DNMT3B: variants seen among roughly 807,000 people sequenced by gnomAD.
DNMT3B encodes DNA methyltransferase 3 beta, also known as DNA (cytosine-5)-methyltransferase 3B.
DNMT3B carries 37 observed loss-of-function variants against 120.2 expected under a neutral mutation model. That is an observed-to-expected ratio of 0.31 (90% CI 0.24 to 0.40). The LOEUF (loss-of-function observed/expected upper bound fraction) is 0.40. Among genes scored for constraint, DNMT3B ranks in the 10% least tolerant of loss-of-function variants. The pLI, the probability that DNMT3B is intolerant of heterozygous loss-of-function variation, is 1.00. For synonymous variants in DNMT3B, 412 were observed against 442.8 expected, an observed-to-expected ratio of 0.93 and a Z score of 0.87; for missense variants, 878 against 1,137.3, an observed-to-expected ratio of 0.77 and a Z score of 3.28.
At chr20:32,806,060 C>T (rs1981943188) in intron 21 of DNMT3B, 149 bp from the exon 22 acceptor site, 1 of 786,722 alleles carries the variant, frequency 1.3e-6, no homozygotes, top group Non-Finnish European at 2.2e-6. Flanking sequence ...CTCTCCCTTC[C>T]ATCTTTCCCA....
intron 14 of DNMT3B, 34 bp downstream of exon 14, chr20:32,797,333 G>A: frequency 6.2e-7 from 1 of 1,601,300 alleles, no homozygotes; most frequent in Admixed American, 1.7e-5. Context: ...GGATGTGGGT[G>A]GGCCCCCAAG....
chr20:32,768,070 T>C (rs998026211), intron 1 of DNMT3B, among the ~76,000 whole-genome samples: 1 of 152,150 alleles, frequency 6.6e-6, no homozygotes, highest in South Asian at 2.1e-4. Flanking sequence ...TAGGCTGGAG[T>C]GCAGTGGTGC....
chr20:32,806,690 G>A (rs1379249636), intron 22 of DNMT3B, among the ~76,000 whole-genome samples: 1 of 152,164 alleles, frequency 6.6e-6, no homozygotes, highest in African/African-American at 2.4e-5. Context: ...TTCTATAAAT[G>A]ATTCCTTCTT....
At position 32,769,296 on chromosome 20, in the gene DNMT3B, C is replaced by T. The variant is rs549833362; in HGVS notation, c.-7+6597C>T. 6.7e-4 allele frequency among the ~76,000 whole-genome samples: 102 copies of T among 152,188 alleles called. 1 individual carries two copies. Among genetic ancestry groups the T allele is most frequent in the Middle Eastern group, 3.4e-3 (1 of 294 alleles). ...TAGAGACGGGGTTTCACCATGTTCG[C>T]CAGGATGGTCTTGATCTCCTGACCT... On this transcript the variant is annotated intron_variant, in intron 1 of 22. Coordinates refer to ENST00000328111, the MANE Select transcript of DNMT3B (RefSeq NM_006892.4).
At chr20:32,798,709 G>A (rs2146031701) in intron 15 of DNMT3B, 66 bp downstream of exon 15, 1 of 1,605,258 alleles carries the variant, frequency 6.2e-7, no homozygotes, top group East Asian at 2.2e-5. Context: ...GAAAGCTCTG[G>A]AATTCTCAGA....
At chr20:32,780,486 G>A in intron 2 of DNMT3B, 21 bp downstream of exon 2, 8 of 1,609,744 alleles carry the variant, frequency 5.0e-6, no homozygotes, top group Non-Finnish European at 6.8e-6. Context: ...AGTGGGGACT[G>A]GGGTGGTGTC....
intron 4 of DNMT3B, 119 bp from the exon 5 acceptor site, chr20:32,786,383 T>C: frequency 7.1e-7 from 1 of 1,417,892 alleles, no homozygotes; most frequent in Admixed American, 1.8e-5. Flanking sequence ...TCACTTCCAG[T>C]TGTCCTGAAG....
intron 1 of DNMT3B, among the ~76,000 whole-genome samples, chr20:32,772,981 G>A (rs4544521): frequency 0.25 from 36,991 of 150,314 alleles, 4,925 homozygotes; most frequent in East Asian, 0.56. Flanking sequence ...CACCACCCCG[G>A]CTAATTTTGT....
intron 22 of DNMT3B, 75 bp downstream of exon 22, chr20:32,806,402 C>T (rs1442865766): frequency 7.3e-7 from 1 of 1,372,076 alleles, no homozygotes; most frequent in Admixed American, 1.7e-5. Context: ...CAGGTGCTTA[C>T]CTTCATTCTT....
In DNMT3B at chr20:32,776,319, G is replaced by A. The variant is rs185230257; in HGVS notation, c.-6-3999G>A. 5.3e-5 allele frequency among the ~76,000 whole-genome samples: 8 copies of A among 152,132 alleles called. No individual in the cohort carries two copies. The East Asian group carries it at 1.5e-3, about 29-fold the overall frequency. On this transcript the variant is annotated intron_variant, in intron 1 of 22. Coordinates refer to ENST00000328111, the MANE Select transcript of DNMT3B (RefSeq NM_006892.4). ...GAACTGTTAGCTACTTAATGTTACA[G>A]TGGCAGTGTGGGATGATGCAGTTCT...
intron 1 of DNMT3B, among the ~76,000 whole-genome samples, chr20:32,770,294 T>G (rs1209265153): frequency 1.3e-5 from 2 of 151,910 alleles, no homozygotes; most frequent in Non-Finnish European, 2.9e-5. Context: ...TGTAATTTTT[T>G]TTTTTTTCTG....
chr20:32,765,665 C>G (rs1987294848), intron 1 of DNMT3B, among the ~76,000 whole-genome samples: 1 of 151,098 alleles, frequency 6.6e-6, no homozygotes. Context: ...AAGTGATTCA[C>G]CCGCCTCGGC....
chr20:32,793,884 A>C (rs6057647), intron 10 of DNMT3B, among the ~76,000 whole-genome samples: 1 of 151,960 alleles, frequency 6.6e-6, no homozygotes, highest in African/African-American at 2.4e-5. Flanking sequence ...AGGGTCCTTA[A>C]GATTTTTAAT....
intron 4 of DNMT3B, 111 bp from the exon 5 acceptor site, chr20:32,786,391 A>G: frequency 6.1e-6 from 9 of 1,487,462 alleles, no homozygotes; most frequent in Non-Finnish European, 8.3e-6. Flanking sequence ...AGTTGTCCTG[A>G]AGCTGGCTAC....
chr20:32,802,402 T>A lies in DNMT3B; in HGVS notation c.2163T>A (p.Ile721=), dbSNP rs755381685. 16 of 1,614,072 alleles carry A rather than the reference T, an allele frequency of 9.9e-6. No homozygotes were observed. The South Asian group carries it at 1.8e-4, about 18-fold the overall frequency. The change falls in exon 20 of 23, where the codon ATT becomes ATA. Residue 721 remains isoleucine, a synonymous_variant. Coordinates refer to ENST00000328111, the MANE Select transcript of DNMT3B (RefSeq NM_006892.4). ...SRFLECNPVM[I]DAIKVSAAHR... ...CCCCACAGTGTAATCCAGTGATGAT[T>A]GATGCCATCAAAGTTTCTGCTGCTC...
rs775867512 is a variant in DNMT3B, at chr20:32,787,350, A to G, written c.553A>G (p.Ser185Gly). 3 of 1,614,234 alleles carry G rather than the reference A, an allele frequency of 1.9e-6. No individual in the cohort carries two copies. In the South Asian group the frequency reaches 3.3e-5, roughly 18 times the overall value. ...CACACATGGGACGCCCCAGAGCAGC[A>G]GTACCCCCTACGCCCGCCTAGCCCA... ...EDTHGTPQSS[S>G]TPYARLAQDS... Residue 185 changes from serine (S) to glycine (G), a missense_variant, in exon 6 of 23, where the codon AGT (serine) becomes GGT (glycine). Around this residue, in one of 4 missense-constraint regions of DNMT3B, gnomAD observed 287 missense variants for 306.2 expected, o/e 0.94. Transcript: ENST00000328111.
intron 14 of DNMT3B, among the ~76,000 whole-genome samples, chr20:32,797,852 G>T (rs1418634675): frequency 6.6e-6 from 1 of 152,016 alleles, no homozygotes; most frequent in South Asian, 2.1e-4. Flanking sequence ...TACAGACAGG[G>T]TTTCACCATG....
intron 7 of DNMT3B, among the ~76,000 whole-genome samples, chr20:32,790,129 C>T (rs1979798124): frequency 6.6e-6 from 1 of 152,158 alleles, no homozygotes; most frequent in African/African-American, 2.4e-5. Flanking sequence ...TTGCCATGAG[C>T]TAATTGAAGT....
chr20:32,784,865 T>G lies in DNMT3B; in HGVS notation c.306+6T>G, dbSNP rs1436904446. On this transcript the variant is annotated splice_donor_region_variant and intron_variant, in intron 4 of 22. Transcript: ENST00000328111. ...CTCGTTCAGAAAGCCCAGCTGTAAG[T>G]AGCCACACCTCGAGCCAAAGCACTT... 1 of 1,614,012 alleles carries G rather than the reference T, an allele frequency of 6.2e-7. No individual in the cohort carries two copies. The highest frequency in any genetic ancestry group is 1.1e-5 in the South Asian group (1 of 91,068).
Sources: gnomAD v4.1 joint callset for allele counts (sites outside exome capture counted in the v4.1 genomes callset) on GRCh38, gnomAD v4.1.1 for gene constraint, gnomAD v4.1.1 regional missense constraint, MANE v1.5 for transcripts, NCBI Gene and HGNC (gene_info 2026-07-23, HGNC 2026-07-21) for gene names.